PRSS23: variants seen among roughly 807,000 people sequenced by gnomAD.
PRSS23 encodes protease, serine 23.
PRSS23 carries 25 observed loss-of-function variants against 34.7 expected under a neutral mutation model. That is an observed-to-expected ratio of 0.72 (90% CI 0.53 to 1.01). The LOEUF (loss-of-function observed/expected upper bound fraction) is 1.01, where lower values mean the gene tolerates loss of function less well. Among genes scored for constraint, PRSS23 ranks in the 50% least tolerant of loss-of-function variants. PRSS23 has a pLI of 0.00. For missense variants in PRSS23, 445 were observed against 475.6 expected (o/e 0.94, Z 0.60); for synonymous variants, 176 against 186.6 (o/e 0.94, Z 0.46).
At position 86,818,497 on chromosome 11, in the gene PRSS23, C is replaced by T. The variant is rs953514337; in HGVS notation, c.-11-4880C>T. Among the ~76,000 whole-genome samples the T allele has an allele frequency of 2.6e-4, 40 of 152,060 alleles. 1 individual carries two copies. Among genetic ancestry groups the T allele is most frequent in the African/African-American group, 8.2e-4 (34 of 41,380 alleles). ...AAGACCTTTCCTTTCTAAATCAACA[C>T]GTAACTTGAAAAAATAAATCAAAAT... On this transcript the variant is annotated intron_variant, in intron 1 of 2. Transcript: ENST00000533902.
At chr11:86,855,487 T>C (rs1948563006) in intron 2 of PRSS23, among the ~76,000 whole-genome samples, 1 of 152,116 alleles carries the variant, frequency 6.6e-6, no homozygotes, top group Admixed American at 6.6e-5. Context: ...CTCTCCACCT[T>C]CATGAGATTT....
chr11:86,855,863 G>T (rs1171457206), intron 2 of PRSS23, among the ~76,000 whole-genome samples: 1 of 152,116 alleles, frequency 6.6e-6, no homozygotes, highest in African/African-American at 2.4e-5. Flanking sequence ...TTCTGTGCCT[G>T]GCTTATTTCA....
chr11:86,852,599 G>A (rs1363540935), intron 2 of PRSS23, among the ~76,000 whole-genome samples: 1 of 152,074 alleles, frequency 6.6e-6, no homozygotes, highest in African/African-American at 2.4e-5. Context: ...AGAATGGCCA[G>A]TATAAACATT....
chr11:86,876,350 G>A (rs1948723981), intron 2 of PRSS23, among the ~76,000 whole-genome samples: 1 of 152,208 alleles, frequency 6.6e-6, no homozygotes, highest in African/African-American at 2.4e-5. Context: ...GAATCAGCGA[G>A]TATGAGGCTG....
intron 2 of PRSS23, among the ~76,000 whole-genome samples, chr11:86,867,045 C>A (rs563667514): frequency 2.0e-5 from 3 of 152,192 alleles, no homozygotes; most frequent in African/African-American, 7.2e-5. Context: ...ACCCATTGTG[C>A]CCTAGAGAAA....
chr11:86,927,180 G>T (rs9971547), intron 2 of PRSS23, among the ~76,000 whole-genome samples: 47,229 of 151,954 alleles, frequency 0.31, 7,382 homozygotes, highest in African/African-American at 0.35. Context: ...CAGAGAGGAG[G>T]AGAGTAGTCA....
chr11:86,907,961 T>C (rs1247467057), intron 2 of PRSS23, among the ~76,000 whole-genome samples: 3 of 152,234 alleles, frequency 2.0e-5, no homozygotes, highest in Non-Finnish European at 4.4e-5. Flanking sequence ...TCCTCGTCAG[T>C]GGGAATCACG....
Position 86,939,426 on chromosome 11 carries a change from A to ATATATATATATATTTTT in PRSS23, c.207-11789_207-11788insATATATATATATTTTTT. ...AAAATATATATATATATATATATAT[A>ATATATATATATATTTTT]TTTTTTAACATGAGTAAAAATTGCA... On this transcript the variant is annotated intron_variant, in intron 2 of 2. Transcript: ENST00000533902. Among the ~76,000 whole-genome samples, 34 of 94,060 alleles carry ATATATATATATATTTTT rather than the reference A, an allele frequency of 3.6e-4. 2 individuals are homozygous for ATATATATATATATTTTT. The highest frequency in any genetic ancestry group is 2.4e-3 in the East Asian group (8 of 3,376). 61.7% of individuals were successfully genotyped at this position (94,060 alleles called of 152,430 possible).
chr11:86,796,415 G>A (rs1271660819), upstream of PRSS23, among the ~76,000 whole-genome samples: 2 of 152,028 alleles, frequency 1.3e-5, no homozygotes, highest in East Asian at 1.9e-4. Flanking sequence ...GCCGAGGCGG[G>A]CGGATCACGA....
chr11:86,920,057 T>C (rs1352279702), intron 2 of PRSS23, among the ~76,000 whole-genome samples: 4 of 152,106 alleles, frequency 2.6e-5, no homozygotes, highest in Non-Finnish European at 4.4e-5. Flanking sequence ...TGCGGTTTGG[T>C]GTGAATGTGA....
chr11:86,916,394 C>T (rs1045302387), intron 2 of PRSS23, among the ~76,000 whole-genome samples: 11 of 152,098 alleles, frequency 7.2e-5, no homozygotes, highest in Non-Finnish European at 1.5e-4. Flanking sequence ...TTGCTGTTCC[C>T]CAAATCCACC....
At chr11:86,863,571 A>C (rs565292275) in intron 2 of PRSS23, among the ~76,000 whole-genome samples, 11 of 152,342 alleles carry the variant, frequency 7.2e-5, no homozygotes, top group African/African-American at 2.6e-4. Flanking sequence ...TTGAGGTCAC[A>C]GGGACATTTC....
intron 2 of PRSS23, among the ~76,000 whole-genome samples, chr11:86,928,691 A>T (rs1565389088): frequency 1.1e-4 from 3 of 27,528 alleles, no homozygotes; most frequent in African/African-American, 1.8e-4. Flanking sequence ...AAAAAAAAAA[A>T]AAAAAAAAAA....
intron 2 of PRSS23, among the ~76,000 whole-genome samples, chr11:86,839,110 G>A (rs781167720): frequency 5.9e-5 from 9 of 151,650 alleles, no homozygotes; most frequent in East Asian, 1.9e-4. Context: ...GCAGCTCCTC[G>A]CCAGCAAGGG....
chr11:86,881,271 T>TA (rs1948770480), intron 2 of PRSS23, among the ~76,000 whole-genome samples: 1 of 143,448 alleles, frequency 7.0e-6, no homozygotes, highest in African/African-American at 2.6e-5. Flanking sequence ...TTTTTTTTTT[T>TA]ATCATGAAAT....
intron 2 of PRSS23, among the ~76,000 whole-genome samples, chr11:86,827,518 T>C (rs1948312184): frequency 6.6e-6 from 1 of 152,260 alleles, no homozygotes; most frequent in African/African-American, 2.4e-5. Context: ...ATTTTAGTTA[T>C]TTCTTGCCTT....
chr11:86,830,569 A>G (rs1383676454), intron 2 of PRSS23, among the ~76,000 whole-genome samples: 1 of 152,074 alleles, frequency 6.6e-6, no homozygotes, highest in East Asian at 1.9e-4. Context: ...TGCAGAAATC[A>G]CCCATCTTCT....
intron 2 of PRSS23, among the ~76,000 whole-genome samples, chr11:86,862,944 T>C (rs1948626137): frequency 6.6e-6 from 1 of 152,028 alleles, no homozygotes; most frequent in African/African-American, 2.4e-5. Context: ...TGTAATATTC[T>C]AGGGAGATGC....
chr11:86,838,562 C>A (rs550922574), intron 2 of PRSS23, among the ~76,000 whole-genome samples: 24 of 152,338 alleles, frequency 1.6e-4, no homozygotes, highest in Admixed American at 1.5e-3. Flanking sequence ...GAACGAAAGG[C>A]AGCAGACAGA....
Sources: gnomAD v4.1 joint callset for allele counts (sites outside exome capture counted in the v4.1 genomes callset) on GRCh38, gnomAD v4.1.1 for gene constraint, MANE v1.5 for transcripts, NCBI Gene and HGNC (gene_info 2026-07-23, HGNC 2026-07-21) for gene names.